Variants in YEATS4 observed in about 807,000 individuals in gnomAD.
YEATS4 encodes the protein YEATS domain-containing protein 4.
YEATS4 carries 17 observed loss-of-function variants against 30.1 expected under a neutral mutation model. The observed-to-expected ratio is 0.56, with a 90% CI of 0.39 to 0.85. YEATS4 has a LOEUF of 0.85. YEATS4 is among the 40% of genes least tolerant of loss of function. YEATS4 has a pLI of 0.00. For missense variants in YEATS4, 142 were observed against 268.3 expected, an observed-to-expected ratio of 0.53 and a Z score of 3.29; for synonymous variants, 85 against 87.5, an observed-to-expected ratio of 0.97 and a Z score of 0.16.
At chr12:69,374,369 A>C (rs1875759741) in intron 6 of YEATS4, among the ~76,000 whole-genome samples, 1 of 150,808 alleles carries the variant, frequency 6.6e-6, no homozygotes, top group South Asian at 2.1e-4. Flanking sequence ...CTAGTTATTT[A>C]ATTTGTAGCT....
chr12:69,387,852 G>A (rs374830221), intron 6 of YEATS4, among the ~76,000 whole-genome samples: 2 of 152,210 alleles, frequency 1.3e-5, no homozygotes, highest in South Asian at 4.1e-4. Flanking sequence ...TAGTAGAAGG[G>A]CATATTTTTT....
At chr12:69,389,085 A>G (rs1455318417) in intron 6 of YEATS4, among the ~76,000 whole-genome samples, 1 of 152,228 alleles carries the variant, frequency 6.6e-6, no homozygotes, top group African/African-American at 2.4e-5. Flanking sequence ...CTGGGATTCA[A>G]ATTTTAGCAG....
At chr12:69,398,500 G>A in the YEATS4 span, among the ~76,000 whole-genome samples, 4 of 152,136 alleles carry the variant, frequency 2.6e-5, no homozygotes, top group Non-Finnish European at 4.4e-5. Flanking sequence ...AACACCTAAA[G>A]TGCACTCAAC....
intron 6 of YEATS4, 112 bp from the exon 7 acceptor site, chr12:69,390,035 T>C (rs1395904377): frequency 1.2e-6 from 1 of 865,990 alleles, no homozygotes; most frequent in Non-Finnish European, 1.7e-6. Context: ...TCTTAAGTTA[T>C]CCACATTTCA....
chr12:69,382,869 A>G (rs952311062), intron 6 of YEATS4, among the ~76,000 whole-genome samples: 1 of 152,334 alleles, frequency 6.6e-6, no homozygotes, highest in Admixed American at 6.5e-5. Context: ...AAAGCAAAGG[A>G]TGACTTACAT....
chr12:69,418,915 C>A, the YEATS4 span, among the ~76,000 whole-genome samples: 1 of 151,136 alleles, frequency 6.6e-6, no homozygotes, highest in African/African-American at 2.4e-5. Context: ...GAGACCCCAT[C>A]TCCTAAAACA....
intron 2 of YEATS4, among the ~76,000 whole-genome samples, chr12:69,363,401 A>G (rs1184317740): frequency 6.6e-6 from 1 of 152,242 alleles, no homozygotes; most frequent in African/African-American, 2.4e-5. Flanking sequence ...TTCATATGAT[A>G]CTAGAAATCA....
chr12:69,425,756 C>T, the YEATS4 span, among the ~76,000 whole-genome samples: 1 of 152,194 alleles, frequency 6.6e-6, no homozygotes, highest in Non-Finnish European at 1.5e-5. Flanking sequence ...CACGTTAAGT[C>T]ATCCCCCTCA....
At chr12:69,398,342 A>T in the YEATS4 span, among the ~76,000 whole-genome samples, 222 of 152,348 alleles carry the variant, frequency 1.5e-3, no homozygotes, top group Middle Eastern at 6.8e-3. Context: ...ATTAGAGGTA[A>T]TAAATGGATG....
chr12:69,383,421 A>G (rs767479271), intron 6 of YEATS4, among the ~76,000 whole-genome samples: 25 of 152,222 alleles, frequency 1.6e-4, no homozygotes, highest in Non-Finnish European at 3.4e-4. Flanking sequence ...ATAAATTATG[A>G]GACCAAATGG....
the YEATS4 span, among the ~76,000 whole-genome samples, chr12:69,421,339 A>G: frequency 7.4e-4 from 113 of 152,342 alleles, 2 homozygotes; most frequent in Middle Eastern, 3.4e-3. Context: ...AAAAAAAGTT[A>G]TAAAGGTGTG....
intron 1 of YEATS4, among the ~76,000 whole-genome samples, chr12:69,360,667 A>ACT (rs552180897): frequency 2.8e-5 from 4 of 143,656 alleles, no homozygotes. Context: ...TGGCACGTTA[A>ACT]TTTTTTTTTT....
At chr12:69,387,434 C>T (rs902647536) in intron 6 of YEATS4, among the ~76,000 whole-genome samples, 11 of 152,224 alleles carry the variant, frequency 7.2e-5, no homozygotes, top group Non-Finnish European at 1.5e-4. Flanking sequence ...ATAACAGTTC[C>T]ATTTCCAGGA....
intron 6 of YEATS4, among the ~76,000 whole-genome samples, chr12:69,378,373 T>C (rs1278814364): frequency 2.0e-5 from 3 of 151,464 alleles, no homozygotes; most frequent in Non-Finnish European, 2.9e-5. Context: ...GATATTGATA[T>C]TTACATTCAT....
chr12:69,391,394 T>C (rs1460191763), downstream of YEATS4, among the ~76,000 whole-genome samples: 2 of 152,170 alleles, frequency 1.3e-5, no homozygotes, highest in African/African-American at 2.4e-5. Context: ...CTCTTTAGCC[T>C]CTTCTGTTCA....
At chr12:69,386,589 CTG>C (rs1207483639) in intron 6 of YEATS4, among the ~76,000 whole-genome samples, 1 of 152,166 alleles carries the variant, frequency 6.6e-6, no homozygotes, top group Non-Finnish European at 1.5e-5. Context: ...TTTCCTGCCT[CTG>C]TACCCCAGCA....
chr12:69,365,744 G>A (rs1366939396), intron 3 of YEATS4, 45 bp downstream of exon 3: 1 of 1,598,318 alleles, frequency 6.3e-7, no homozygotes. Flanking sequence ...GTTAAAAATG[G>A]CTAGGAAACT....
Position 69,362,727 on chromosome 12 carries a change from T to G in YEATS4, c.52-61T>G, listed in dbSNP as rs564948619. The G allele has an allele frequency of 3.0e-5, 40 of 1,332,066 alleles. 1 individual carries two copies. The South Asian group carries it at 6.0e-4, about 20-fold the overall frequency. The allele number at this position is 1,332,066 out of a possible 1,614,324, so 82.5% of individuals were successfully genotyped here. A position where few individuals can be genotyped will look rare whatever the true frequency, so the allele number is the denominator to read the frequency against. On this transcript the variant is annotated intron_variant, in intron 1 of 6. Coordinates refer to ENST00000247843, the MANE Select transcript of YEATS4 (RefSeq NM_006530.4). The stretch of plus-strand genomic sequence containing the variant: ...CTTTAAAGCAAGTTTTCAGAGCTCT[T>G]ATTCTGCATATTTAGCTAATGGTAC...
intron 6 of YEATS4, among the ~76,000 whole-genome samples, chr12:69,382,401 C>T (rs530377098): frequency 2.0e-5 from 3 of 152,300 alleles, no homozygotes; most frequent in African/African-American, 2.4e-5. Context: ...AGCTGGCACC[C>T]AAGCTACAAG....
Sources: allele counts gnomAD v4.1 joint callset (sites outside exome capture counted in the v4.1 genomes callset), GRCh38; gene constraint gnomAD v4.1.1; transcripts MANE v1.5; gene names NCBI Gene and HGNC (gene_info 2026-07-23, HGNC 2026-07-21).